Variants in LIFR observed in about 807,000 individuals in gnomAD.
LIFR encodes leukemia inhibitory factor receptor.
LIFR carries 84 observed loss-of-function variants against 122.2 expected under a neutral mutation model. That is an observed-to-expected ratio of 0.69 (90% CI 0.58 to 0.82). The LOEUF is 0.82. Ranked by LOEUF, LIFR falls within the 40% of genes least tolerant of loss-of-function variation. The pLI is 0.00. For synonymous variants in LIFR, 422 were observed against 434.7 expected (o/e 0.97, Z 0.36); for missense variants, 1,294 against 1,311.6 (o/e 0.99, Z 0.21).
At chr5:38,564,924 C>T (rs1748969090) in intron 1 of LIFR, among the ~76,000 whole-genome samples, 1 of 152,042 alleles carries the variant, frequency 6.6e-6, no homozygotes, top group East Asian at 1.9e-4. Context: ...CAGGCGCCTG[C>T]CACCATGCCT....
At chr5:38,592,944 C>T in intron 1 of LIFR, among the ~76,000 whole-genome samples, 1 of 152,064 alleles carries the variant, frequency 6.6e-6, no homozygotes, top group African/African-American at 2.4e-5. Context: ...GTGGCTCACG[C>T]CTGTAATCCC....
At chr5:38,486,355 T>A (rs190819704) in intron 16 of LIFR, among the ~76,000 whole-genome samples, 50 of 152,316 alleles carry the variant, frequency 3.3e-4, no homozygotes, top group Admixed American at 1.2e-3. Context: ...CCACTTAGGC[T>A]GAGCCTTCCC....
At chr5:38,560,652 A>G (rs902062185), upstream of LIFR, among the ~76,000 whole-genome samples, 14 of 150,462 alleles carry the variant, frequency 9.3e-5, no homozygotes, top group African/African-American at 3.4e-4. Flanking sequence ...GCTGGAGTGC[A>G]GTGGTGCAAT....
chr5:38,567,433 T>G (rs923566626), intron 1 of LIFR, among the ~76,000 whole-genome samples: 1 of 152,090 alleles, frequency 6.6e-6, no homozygotes, highest in African/African-American at 2.4e-5. Context: ...ATTATTTGTT[T>G]ATTAATTTTT....
chr5:38,511,893 CA>C lies in LIFR; in HGVS notation c.632del (p.Leu211TrpfsTer31). The C allele has an allele frequency of 6.2e-7, 1 of 1,614,044 alleles. No individual in the cohort carries two copies. The highest frequency in any genetic ancestry group is 8.5e-7 in the Non-Finnish European group (1 of 1,179,952). Reference sequence around the variant, plus strand: ...TTTCCACAAAATGAATGGCACATTCCAAGGGCATATCTGAGGCCCAACTCCA... The same window carrying C: ...TTTCCACAAAATGAATGGCACATTCCAGGGCATATCTGAGGCCCAACTCCA... ...HHWSWASDMPLECAIHFVEIR... is the reference protein window; with the variant it reads ...HHWSWASDMPXECAIHFVEIR... On this transcript the variant is annotated frameshift_variant, in exon 6 of 20. Transcript: ENST00000453190. LOFTEE classifies it high-confidence loss of function.
At chr5:38,541,903 C>CA (rs1333911047) in intron 1 of LIFR, among the ~76,000 whole-genome samples, 2 of 151,752 alleles carry the variant, frequency 1.3e-5, no homozygotes, top group Non-Finnish European at 2.9e-5. Context: ...GGGAAAACCA[C>CA]AAAAAAAGGT....
At chr5:38,518,880 A>C (rs1241656336) in intron 5 of LIFR, among the ~76,000 whole-genome samples, 3 of 152,198 alleles carry the variant, frequency 2.0e-5, no homozygotes, top group Non-Finnish European at 4.4e-5. Context: ...GAGGTGGCAG[A>C]CTGTTATACT....
chr5:38,489,289 A>G, intron 15 of LIFR, 44 bp from the exon 16 acceptor site: 3 of 1,354,788 alleles, frequency 2.2e-6, no homozygotes, highest in Non-Finnish European at 3.2e-6. Context: ...GTGTATGAAT[A>G]CAGAGTAATA....
rs1445763812 is a variant in LIFR, at chr5:38,479,279, A to AT, written c.*2315dup. On this transcript the variant is annotated 3_prime_UTR_variant, in exon 20 of 20. Transcript: ENST00000453190. ...CTTATAAGGAGCTTGCCCAGACTTA[A>AT]TAGCGTTACTCTGCTTCTCATTAAG... The AT allele has an allele frequency of 4.3e-6, 1 of 231,864 alleles. No homozygotes were observed. Among genetic ancestry groups the AT allele is most frequent in the Admixed American group, 5.6e-5 (1 of 17,740 alleles). The allele number at this position is 231,864 out of a possible 1,614,324, so 14.4% of individuals were successfully genotyped here.
At chr5:38,600,744 A>G (rs1253678569) in intron 2 of LIFR, among the ~76,000 whole-genome samples, 4 of 151,552 alleles carry the variant, frequency 2.6e-5, no homozygotes, top group African/African-American at 7.3e-5. Context: ...CCTCTCCTCT[A>G]TTTTTTCAGG....
rs1743866599 is a variant in LIFR at position 38,479,316 on chromosome 5, C to T, written c.*2279G>A. The T allele has an allele frequency of 8.6e-6, 2 of 231,474 alleles. No homozygotes were observed. Among genetic ancestry groups the T allele is most frequent in the South Asian group, 1.8e-4 (1 of 5,484 alleles). The allele number at this position is 231,474 out of a possible 1,614,324, so 14.3% of individuals were successfully genotyped here. On this transcript the variant is annotated 3_prime_UTR_variant, in exon 20 of 20. Coordinates refer to ENST00000453190, the MANE Select transcript of LIFR (RefSeq NM_001127671.2). ...TGCTTCTCATTAAGCTAGTGATCCT[C>T]GTGTAGGGGATCCAAAAGTAGGGGA... is the stretch of plus-strand genomic sequence containing the variant.
intron 15 of LIFR, among the ~76,000 whole-genome samples, chr5:38,489,983 A>G (rs1744486062): frequency 7.6e-6 from 1 of 130,780 alleles, no homozygotes; most frequent in Admixed American, 8.6e-5. Flanking sequence ...TGACAGAGTA[A>G]GACCCTCTCT....
chr5:38,577,218 C>A (rs969495731), intron 1 of LIFR, among the ~76,000 whole-genome samples: 4 of 152,188 alleles, frequency 2.6e-5, no homozygotes, highest in Non-Finnish European at 5.9e-5. Context: ...ATGAAGCTAA[C>A]AATGGAGGAG....
chr5:38,491,749 C>T (rs887890478), intron 14 of LIFR, among the ~76,000 whole-genome samples: 2 of 152,200 alleles, frequency 1.3e-5, no homozygotes, highest in African/African-American at 4.8e-5. Context: ...TTCTTGTAAT[C>T]ACTTTCCTTA....
At chr5:38,489,376 C>A in intron 15 of LIFR, 131 bp from the exon 16 acceptor site, 6 of 792,066 alleles carry the variant, frequency 7.6e-6, no homozygotes, top group Non-Finnish European at 1.0e-5. Context: ...CATAAACTTT[C>A]AGAGAGAGAT....
chr5:38,551,218 T>C (rs1320056509), intron 1 of LIFR, among the ~76,000 whole-genome samples: 9 of 152,186 alleles, frequency 5.9e-5, no homozygotes, highest in Admixed American at 5.2e-4. Flanking sequence ...GCATGAAGCA[T>C]GGCAGGGCTA....
Position 38,478,001 on chromosome 5 carries a change from A to G in LIFR, c.*3594T>C, listed in dbSNP as rs920264777. 2.4e-5 allele frequency: 5 copies of G among 210,972 alleles called. No homozygotes were observed. Among genetic ancestry groups the G allele is most frequent in the African/African-American group, 1.1e-4 (5 of 44,078 alleles). 13.1% of individuals were successfully genotyped at this position (210,972 alleles called of 1,614,324 possible). On this transcript the variant is annotated 3_prime_UTR_variant, in exon 20 of 20. Coordinates refer to ENST00000453190, the MANE Select transcript of LIFR (RefSeq NM_001127671.2). ...TACCTGAGCAATAGAAAACTTCGAG[A>G]TAACATTTTAAAAATATTGACACGT...
chr5:38,510,739 T>C lies in LIFR; in HGVS notation c.737-21A>G, dbSNP rs1441985481. 14 of 1,589,466 alleles carry C rather than the reference T, an allele frequency of 8.8e-6. No homozygotes were observed. The South Asian group carries it at 1.4e-4, about 16-fold the overall frequency. On this transcript the variant is annotated intron_variant, in intron 6 of 19. Coordinates refer to ENST00000453190, the MANE Select transcript of LIFR (RefSeq NM_001127671.2). Reference sequence around the variant, plus strand: ...TATCCCTAGAAAGAAAAAGAGGAATTATAAACATTTTATATAGAAGTATTT... The same window carrying C: ...TATCCCTAGAAAGAAAAAGAGGAATCATAAACATTTTATATAGAAGTATTT...
At chr5:38,501,959 C>T (rs1257386372) in intron 11 of LIFR, among the ~76,000 whole-genome samples, 2 of 148,584 alleles carry the variant, frequency 1.3e-5, no homozygotes, top group Non-Finnish European at 3.0e-5. Flanking sequence ...TAAAAACTAA[C>T]AAATTCTCTT....
Sources: gnomAD v4.1 joint callset for allele counts (sites outside exome capture counted in the v4.1 genomes callset) on GRCh38, gnomAD v4.1.1 for gene constraint, MANE v1.5 for transcripts, NCBI Gene and HGNC (gene_info 2026-07-23, HGNC 2026-07-21) for gene names.